KCMF1: variants seen among roughly 807,000 people sequenced by gnomAD.
KCMF1 encodes potassium channel modulatory factor 1.
In KCMF1, 3 loss-of-function variants were observed where a neutral mutation model predicts 41.1. The observed-to-expected ratio is 0.07, with a 90% CI of 0.03 to 0.19. KCMF1 has a LOEUF of 0.19. KCMF1 is among the 10% of genes least tolerant of loss of function. KCMF1 has a pLI of 1.00. For missense variants in KCMF1, 286 were observed against 488.9 expected (o/e 0.58, Z 3.91); for synonymous variants, 142 against 164.5 (o/e 0.86, Z 1.04).
chr2:85,037,553 G>A (rs1424852584), intron 3 of KCMF1, among the ~76,000 whole-genome samples: 2 of 152,112 alleles, frequency 1.3e-5, no homozygotes, highest in South Asian at 2.1e-4. Context: ...ATGTCCAGGT[G>A]ATATTACTGT....
intron 2 of KCMF1, among the ~76,000 whole-genome samples, chr2:85,034,489 A>G (rs1394565612): frequency 2.0e-5 from 3 of 152,208 alleles, no homozygotes; most frequent in African/African-American, 7.2e-5. Context: ...TAAATGAAGG[A>G]GGATGGAGTT....
At chr2:85,023,693 A>G (rs1329570725) in intron 1 of KCMF1, among the ~76,000 whole-genome samples, 2 of 152,232 alleles carry the variant, frequency 1.3e-5, no homozygotes, top group Admixed American at 6.5e-5. Context: ...AGGTGCACAC[A>G]GACAAAAGAT....
At chr2:84,994,497 G>T (rs546175549) in intron 1 of KCMF1, among the ~76,000 whole-genome samples, 1 of 152,028 alleles carries the variant, frequency 6.6e-6, no homozygotes, top group African/African-American at 2.4e-5. Context: ...TCCACCTCCC[G>T]GGTTCAAGCG....
chr2:84,976,613 G>A (rs534168747), intron 1 of KCMF1, among the ~76,000 whole-genome samples: 9 of 149,918 alleles, frequency 6.0e-5, no homozygotes, highest in Non-Finnish European at 1.3e-4. Context: ...GGGAGGCTGA[G>A]AGACCCTATT....
intron 1 of KCMF1, among the ~76,000 whole-genome samples, chr2:85,015,598 T>C (rs560948651): frequency 6.6e-6 from 1 of 152,272 alleles, no homozygotes; most frequent in East Asian, 1.9e-4. Context: ...GTGGACCAAG[T>C]TCCTCTATAC....
intron 3 of KCMF1, among the ~76,000 whole-genome samples, chr2:85,042,851 C>T (rs974318400): frequency 6.6e-6 from 1 of 152,132 alleles, no homozygotes; most frequent in Non-Finnish European, 1.5e-5. Flanking sequence ...ACCCGCTCCC[C>T]GAACTGTGAC....
intron 1 of KCMF1, among the ~76,000 whole-genome samples, chr2:84,974,867 G>A (rs908524978): frequency 1.3e-5 from 2 of 150,756 alleles, no homozygotes; most frequent in African/African-American, 4.9e-5. Flanking sequence ...CACTGCGCCC[G>A]GCTAATTTTT....
chr2:84,980,124 G>T (rs139110586), intron 1 of KCMF1, among the ~76,000 whole-genome samples: 2,338 of 152,128 alleles, frequency 0.015, 32 homozygotes, highest in South Asian at 0.063. Flanking sequence ...GAGCCACTGC[G>T]CCCAGCCAGT....
chr2:85,026,495 A>ATTATTATTT (rs1553381454), intron 1 of KCMF1, among the ~76,000 whole-genome samples: 13 of 143,582 alleles, frequency 9.1e-5, no homozygotes, highest in African/African-American at 2.6e-4. Context: ...TATTATTATT[A>ATTATTATTT]TTTTTATTTT....
chr2:85,016,924 A>AG (rs1364866020), intron 1 of KCMF1, among the ~76,000 whole-genome samples: 1 of 150,648 alleles, frequency 6.6e-6, no homozygotes, highest in Non-Finnish European at 1.5e-5. Flanking sequence ...CCCTGACCTT[A>AG]GGTGATCCAC....
At position 85,053,844 on chromosome 2, in the gene KCMF1, A is replaced by T. The variant is rs1267147574; in HGVS notation, c.*435A>T. On this transcript the variant is annotated 3_prime_UTR_variant, in exon 7 of 7. Coordinates refer to ENST00000409785, the MANE Select transcript of KCMF1 (RefSeq NM_020122.5). ...GTTATTTAAGAAGTTAAATACAAGG[A>T]GTAAAACTTAAAAAAAAAATACAAA... 1 of 153,746 alleles carries T rather than the reference A, an allele frequency of 6.5e-6. No homozygotes were observed. The highest frequency in any genetic ancestry group is 1.9e-4 in the East Asian group (1 of 5,230). The allele number at this position is 153,746 out of a possible 1,614,324, so 9.5% of individuals were successfully genotyped here.
At chr2:85,032,769 C>G (rs866056054) in intron 2 of KCMF1, among the ~76,000 whole-genome samples, 5 of 152,160 alleles carry the variant, frequency 3.3e-5, no homozygotes, top group African/African-American at 1.2e-4. Context: ...ACTTCGCTCT[C>G]CCTCCCAAAG....
At chr2:84,999,939 A>T (rs2103988560) in intron 1 of KCMF1, among the ~76,000 whole-genome samples, 1 of 152,220 alleles carries the variant, frequency 6.6e-6, no homozygotes, top group Non-Finnish European at 1.5e-5. Flanking sequence ...TGTCCCCTGG[A>T]GAAAATACTC....
At chr2:85,013,369 T>A (rs1301253205) in intron 1 of KCMF1, among the ~76,000 whole-genome samples, 1 of 152,174 alleles carries the variant, frequency 6.6e-6, no homozygotes, top group African/African-American at 2.4e-5. Context: ...CAAATACATG[T>A]GCAGACATTT....
chr2:85,010,536 C>T (rs764993819), intron 1 of KCMF1, among the ~76,000 whole-genome samples: 5 of 152,156 alleles, frequency 3.3e-5, no homozygotes, highest in East Asian at 1.9e-4. Flanking sequence ...TGTCATTGTC[C>T]GGTGCACCAC....
rs569191034 is a variant in KCMF1, at chr2:85,028,550, C to T, written c.184+494C>T. Among the ~76,000 whole-genome samples the T allele has an allele frequency of 2.9e-3, 345 of 120,642 alleles. 3 individuals carry two copies. Among genetic ancestry groups the T allele is most frequent in the African/African-American group, 0.011 (331 of 30,642 alleles). The allele number at this position is 120,642 out of a possible 152,430, so 79.1% of individuals were successfully genotyped here. On this transcript the variant is annotated intron_variant, in intron 2 of 6. Coordinates refer to ENST00000409785, the MANE Select transcript of KCMF1 (RefSeq NM_020122.5). ...TGTCGCCTAGGCTGGAGTGCAATGT[C>T]GTGATCTCAGCTCGCTGCAACCTCC...
At chr2:85,034,497 G>GT (rs1362604322) in intron 2 of KCMF1, among the ~76,000 whole-genome samples, 1 of 152,180 alleles carries the variant, frequency 6.6e-6, no homozygotes, top group Non-Finnish European at 1.5e-5. Flanking sequence ...GGAGGATGGA[G>GT]TTGTTTGTCT....
chr2:85,022,247 A>C (rs1489489500), intron 1 of KCMF1, among the ~76,000 whole-genome samples: 1 of 152,140 alleles, frequency 6.6e-6, no homozygotes, highest in East Asian at 1.9e-4. Flanking sequence ...TGACACAGGC[A>C]GATTGCTTGA....
intron 5 of KCMF1, 65 bp from the exon 6 acceptor site, chr2:85,049,301 G>A: frequency 1.3e-6 from 2 of 1,500,162 alleles, no homozygotes; most frequent in East Asian, 4.5e-5. Flanking sequence ...GTAAAAGAGT[G>A]ATCTGTAGCG....
Sources: gnomAD v4.1 joint callset for allele counts (sites outside exome capture counted in the v4.1 genomes callset) on GRCh38, gnomAD v4.1.1 for gene constraint, MANE v1.5 for transcripts, NCBI Gene and HGNC (gene_info 2026-07-23, HGNC 2026-07-21) for gene names.